STARD10: variants seen among roughly 807,000 people sequenced by gnomAD.
STARD10 encodes START domain-containing protein 10.
In STARD10, 24 loss-of-function variants were observed where a neutral mutation model predicts 36.0. The ratio of observed to expected loss-of-function variants is 0.67; its 90% CI spans 0.48 to 0.94. STARD10 has a LOEUF of 0.94. Among genes scored for constraint, STARD10 ranks in the 40% least tolerant of loss-of-function variants. The pLI is 0.00. For missense variants in STARD10, 335 were observed against 396.6 expected, an observed-to-expected ratio of 0.84 and a Z score of 1.32; for synonymous variants, 156 against 161.9, an observed-to-expected ratio of 0.96 and a Z score of 0.28.
intron 1 of STARD10, among the ~76,000 whole-genome samples, chr11:72,790,873 C>T (rs1372352310): frequency 1.3e-5 from 2 of 152,150 alleles, no homozygotes; most frequent in Non-Finnish European, 2.9e-5. Context: ...ATGCAGGCAC[C>T]CAGGGCAGGG....
At chr11:72,784,173 C>G (rs1375386560) in intron 1 of STARD10, among the ~76,000 whole-genome samples, 1 of 152,224 alleles carries the variant, frequency 6.6e-6, no homozygotes, top group Non-Finnish European at 1.5e-5. Context: ...CCATTCATAT[C>G]CTTCTCAAAA....
At chr11:72,757,129 G>A (rs12289849) in intron 5 of STARD10, among the ~76,000 whole-genome samples, 1 of 131,458 alleles carries the variant, frequency 7.6e-6, no homozygotes, top group African/African-American at 3.0e-5. Context: ...TGGGAAACAA[G>A]AGTGAAACTC....
intron 2 of STARD10, among the ~76,000 whole-genome samples, chr11:72,774,618 T>C (rs781116304): frequency 6.6e-6 from 1 of 152,222 alleles, no homozygotes; most frequent in Non-Finnish European, 1.5e-5. Context: ...CCCCAACCTG[T>C]TGCCAGAGCA....
intron 1 of STARD10, among the ~76,000 whole-genome samples, chr11:72,783,982 CA>C (rs1247346080): frequency 6.6e-6 from 1 of 152,198 alleles, no homozygotes; most frequent in Non-Finnish European, 1.5e-5. Context: ...GGCAGGCAGC[CA>C]GGCCCTGGGC....
rs1859176017 is a variant in STARD10, at chr11:72,793,574, A to T, written c.-813T>A. On this transcript the variant is annotated 5_prime_UTR_variant, in exon 1 of 7. Transcript: ENST00000334805. ...TGTGAGGACTGAATTAGGAGAGGCG[A>T]TGAAGAGGGTCATTCCTTGTGAATC... 1 of 152,266 alleles carries T rather than the reference A, an allele frequency of 6.6e-6. No homozygotes were observed. The highest frequency in any genetic ancestry group is 1.5e-5 in the Non-Finnish European group (1 of 68,056). 9.4% of individuals were successfully genotyped at this position (152,266 alleles called of 1,614,324 possible).
At chr11:72,755,844 G>C (rs1429769669) in intron 5 of STARD10, 91 bp from the exon 6 acceptor site, 1 of 1,242,818 alleles carries the variant, frequency 8.0e-7, no homozygotes, top group African/African-American at 1.5e-5. Flanking sequence ...AGCTTCCAGG[G>C]AGGCCACTGT....
chr11:72,790,505 G>A (rs1393263438), intron 1 of STARD10: 2 of 152,286 alleles, frequency 1.3e-5, no homozygotes, highest in Non-Finnish European at 2.9e-5. Flanking sequence ...GGTATCTGAT[G>A]TCAGGCCCTG....
At chr11:72,772,238 C>CT (rs11273371) in intron 2 of STARD10, among the ~76,000 whole-genome samples, 2,285 of 135,850 alleles carry the variant, frequency 0.017, 53 homozygotes, top group African/African-American at 0.056. Flanking sequence ...GGGCATGGCT[C>CT]CCCTGTGCCC....
chr11:72,790,787 G>A (rs777713767), intron 1 of STARD10, among the ~76,000 whole-genome samples: 4 of 152,222 alleles, frequency 2.6e-5, no homozygotes, highest in Non-Finnish European at 5.9e-5. Flanking sequence ...GTAAACACTC[G>A]AGACATTTCT....
rs185773718 is a variant in STARD10, at chr11:72,774,073, G to A, written c.207+6902C>T. Among the ~76,000 whole-genome samples, 3 of 152,290 alleles carry A rather than the reference G, an allele frequency of 2.0e-5. No individual in the cohort carries two copies. The East Asian group carries it at 5.8e-4, about 29-fold the overall frequency. ...AAAGTACCAGGCCCCAGCCACTCTG[G>A]CAGGGTCCAAAGACGGCAGGCAGGG... is the stretch of plus-strand genomic sequence containing the variant. On this transcript the variant is annotated intron_variant, in intron 2 of 6. Coordinates refer to ENST00000334805, the MANE Select transcript of STARD10 (RefSeq NM_006645.3).
At chr11:72,775,402 C>T (rs1176608185) in intron 2 of STARD10, among the ~76,000 whole-genome samples, 5 of 152,156 alleles carry the variant, frequency 3.3e-5, no homozygotes, top group Admixed American at 6.5e-5. Flanking sequence ...CGTGGGGCCT[C>T]GGTCTAGCTC....
chr11:72,768,381 C>T (rs1174063168), intron 2 of STARD10, among the ~76,000 whole-genome samples: 1 of 152,178 alleles, frequency 6.6e-6, no homozygotes, highest in Non-Finnish European at 1.5e-5. Context: ...GAGCACCTGC[C>T]TCTTGCCTCT....
intron 2 of STARD10, chr11:72,766,022 G>C (rs1035138752): frequency 6.6e-6 from 1 of 152,044 alleles, no homozygotes; most frequent in African/African-American, 2.4e-5. Context: ...CAAATGTAGT[G>C]AGTGATCTCA....
At chr11:72,778,872 C>A (rs529812656) in intron 2 of STARD10, among the ~76,000 whole-genome samples, 36 of 152,284 alleles carry the variant, frequency 2.4e-4, no homozygotes, top group African/African-American at 8.2e-4. Context: ...AGGGTAGGGT[C>A]CTGGCTGCCC....
At chr11:72,784,199 G>A (rs1165327514) in intron 1 of STARD10, among the ~76,000 whole-genome samples, 2 of 152,178 alleles carry the variant, frequency 1.3e-5, no homozygotes, top group East Asian at 1.9e-4. Flanking sequence ...CTAAGCAGCC[G>A]AGAAGGGCCC....
intron 6 of STARD10, 70 bp from the exon 7 acceptor site, chr11:72,755,212 C>T (rs1320379997): frequency 6.7e-6 from 10 of 1,501,802 alleles, no homozygotes; most frequent in African/African-American, 4.1e-5. Context: ...CCCCCTCCAG[C>T]GGCTCAGCCC....
chr11:72,763,396 T>G (rs974362032), intron 2 of STARD10, among the ~76,000 whole-genome samples: 7 of 152,182 alleles, frequency 4.6e-5, no homozygotes, highest in East Asian at 1.9e-4. Flanking sequence ...TAGAGAAGCC[T>G]GGCAAATAGC....
chr11:72,755,328 T>TTTTTTTTTTTTTTTTTTA (rs869046714), intron 6 of STARD10, 186 bp from the exon 7 acceptor site: 1 of 622,248 alleles, frequency 1.6e-6, no homozygotes, highest in Non-Finnish European at 2.6e-6. Flanking sequence ...TTTTTTTTTT[T>TTTTTTTTTTTTTTTTTTA]GAGACGGAAT....
At chr11:72,758,089 T>A in intron 4 of STARD10, 1 of 587,900 alleles carries the variant, frequency 1.7e-6, no homozygotes, top group Non-Finnish European at 3.0e-6. Context: ...GCTTTTCCTG[T>A]TCCCCTCAGA....
Sources: allele counts gnomAD v4.1 joint callset (sites outside exome capture counted in the v4.1 genomes callset), GRCh38; gene constraint gnomAD v4.1.1; transcripts MANE v1.5; gene names NCBI Gene and HGNC (gene_info 2026-07-23, HGNC 2026-07-21).